Variants in GRIK2 observed in about 807,000 individuals in gnomAD.
GRIK2 encodes glutamate receptor ionotropic, kainate 2.
A neutral mutation model predicts 100.3 loss-of-function variants in GRIK2; 32 were observed. The ratio of observed to expected loss-of-function variants is 0.32; its 90% confidence interval spans 0.24 to 0.43. The LOEUF is 0.43. Ranked by LOEUF, GRIK2 falls within the 20% of genes least tolerant of loss-of-function variation. The pLI, the probability that GRIK2 is intolerant of heterozygous loss-of-function variation, is 1.00. For missense variants in GRIK2, 843 were observed against 1,114.9 expected (o/e 0.76, Z 3.47); for synonymous variants, 417 against 389.4 (o/e 1.07, Z -0.83).
chr6:101,400,633 G>T (rs1208101743), intron 2 of GRIK2, among the ~76,000 whole-genome samples: 1 of 152,136 alleles, frequency 6.6e-6, no homozygotes, highest in Non-Finnish European at 1.5e-5. Flanking sequence ...CTTCTATCAT[G>T]CCAACAGCAT....
intron 2 of GRIK2, among the ~76,000 whole-genome samples, chr6:101,524,068 G>C (rs1455909228): frequency 6.6e-6 from 1 of 152,136 alleles, no homozygotes; most frequent in Non-Finnish European, 1.5e-5. Flanking sequence ...GACTAATTCA[G>C]ATCAATGAGC....
At chr6:101,955,222 T>C (rs1164346651) in intron 14 of GRIK2, among the ~76,000 whole-genome samples, 1 of 152,068 alleles carries the variant, frequency 6.6e-6, no homozygotes, top group Non-Finnish European at 1.5e-5. Context: ...ATGGAGTGAG[T>C]TGGAAAGTGT....
intron 14 of GRIK2, among the ~76,000 whole-genome samples, chr6:101,934,437 G>A (rs1582566998): frequency 6.6e-6 from 1 of 151,772 alleles, no homozygotes; most frequent in Admixed American, 6.6e-5. Context: ...AAGTTATGCT[G>A]GGGTGATTGT....
rs146043777 is a variant in GRIK2, at chr6:101,640,097, C to A, written c.541+13460C>A. Among the ~76,000 whole-genome samples, 53 of 152,296 alleles carry A rather than the reference C, an allele frequency of 3.5e-4. 1 individual carries two copies. The highest frequency in any genetic ancestry group is 9.6e-4 in the East Asian group (5 of 5,186). ...AAAACTTATTGTGTAACATATCTTA[C>A]AGTTATAACTCAAAGCACTTGTTTT... On this transcript the variant is annotated intron_variant, in intron 4 of 16. Transcript: ENST00000369134.
chr6:102,056,694 C>A (rs924835558), intron 16 of GRIK2, among the ~76,000 whole-genome samples: 1 of 151,662 alleles, frequency 6.6e-6, no homozygotes, highest in Non-Finnish European at 1.5e-5. Context: ...AGTGTTTGTA[C>A]CTTTAGAAAT....
At chr6:101,512,610 A>G (rs1169595461) in intron 2 of GRIK2, among the ~76,000 whole-genome samples, 2 of 152,260 alleles carry the variant, frequency 1.3e-5, no homozygotes, top group Non-Finnish European at 2.9e-5. Flanking sequence ...GCTGTCAAAT[A>G]TGTCAATAAT....
chr6:101,685,570 G>T (rs1210598046), intron 6 of GRIK2, among the ~76,000 whole-genome samples: 1 of 152,136 alleles, frequency 6.6e-6, no homozygotes, highest in Non-Finnish European at 1.5e-5. Context: ...ATACAGACTA[G>T]AAAGGGCAAC....
intron 7 of GRIK2, among the ~76,000 whole-genome samples, chr6:101,749,639 A>G (rs1426369691): frequency 7.2e-5 from 11 of 152,182 alleles, no homozygotes; most frequent in East Asian, 1.9e-4. Context: ...TTACTTCTGT[A>G]TGACCTGTAT....
intron 7 of GRIK2, among the ~76,000 whole-genome samples, chr6:101,793,259 G>A (rs990806271): frequency 1.2e-4 from 19 of 152,180 alleles, no homozygotes; most frequent in Non-Finnish European, 2.5e-4. Context: ...GAGGAACTGC[G>A]TTCCTTTGGA....
intron 14 of GRIK2, chr6:101,993,965 T>C (rs1333133141): frequency 7.3e-6 from 1 of 136,266 alleles, no homozygotes; most frequent in Non-Finnish European, 1.6e-5. Context: ...TGTATATATC[T>C]ATATATACAT....
chr6:101,800,815 A>G (rs1780622871), intron 8 of GRIK2, among the ~76,000 whole-genome samples: 2 of 152,130 alleles, frequency 1.3e-5, no homozygotes, highest in East Asian at 3.9e-4. Flanking sequence ...TGAAGAATTG[A>G]TTTTTCTGAA....
At chr6:101,462,494 T>C (rs900028647) in intron 2 of GRIK2, among the ~76,000 whole-genome samples, 52 of 458 alleles carry the variant, frequency 0.11, no homozygotes, top group Non-Finnish European at 0.13. Flanking sequence ...CCAGGAAGAT[T>C]TGGGGGACAC....
At chr6:101,675,043 C>T (rs568878490) in intron 4 of GRIK2, among the ~76,000 whole-genome samples, 116 of 152,178 alleles carry the variant, frequency 7.6e-4, no homozygotes, top group Admixed American at 2.6e-3. Context: ...ACAAAATCTT[C>T]TAGCTATTTT....
intron 7 of GRIK2, among the ~76,000 whole-genome samples, chr6:101,724,924 G>T (rs1426227718): frequency 6.6e-6 from 1 of 151,916 alleles, no homozygotes; most frequent in Non-Finnish European, 1.5e-5. Flanking sequence ...GTATCTCACT[G>T]AAGGACTCCT....
intron 14 of GRIK2, among the ~76,000 whole-genome samples, chr6:101,942,179 C>A (rs1790997122): frequency 6.6e-6 from 1 of 152,136 alleles, no homozygotes; most frequent in Non-Finnish European, 1.5e-5. Flanking sequence ...TGTTTCCCCA[C>A]ACAAATCTCA....
intron 10 of GRIK2, among the ~76,000 whole-genome samples, chr6:101,822,607 A>G (rs1290291421): frequency 6.6e-6 from 1 of 152,196 alleles, no homozygotes. Context: ...ATCATAGCAG[A>G]CATGTATTAC....
chr6:101,955,576 T>TTCTCTCTCTCTCTCTC (rs60603807), intron 14 of GRIK2, among the ~76,000 whole-genome samples: 13 of 116,346 alleles, frequency 1.1e-4, no homozygotes, highest in African/African-American at 4.9e-4. Flanking sequence ...GAGCAAGGCC[T>TTCTCTCTCTCTCTCTC]TCTCTCTCTC....
At chr6:101,573,827 CAA>C (rs911072905) in intron 2 of GRIK2, among the ~76,000 whole-genome samples, 29 of 152,142 alleles carry the variant, frequency 1.9e-4, no homozygotes, top group African/African-American at 6.0e-4. Context: ...TTCTCTACAA[CAA>C]AAGTGACAAC....
At chr6:101,678,349 A>G (rs1445410586) in intron 5 of GRIK2, among the ~76,000 whole-genome samples, 6 of 152,138 alleles carry the variant, frequency 3.9e-5, no homozygotes, top group African/African-American at 1.4e-4. Context: ...TTTGTTTGCA[A>G]AAGGAAAACA....
Sources: gnomAD v4.1 joint callset for allele counts (sites outside exome capture counted in the v4.1 genomes callset) on GRCh38, gnomAD v4.1.1 for gene constraint, MANE v1.5 for transcripts, NCBI Gene and HGNC (gene_info 2026-07-23, HGNC 2026-07-21) for gene names.